DACH2: variants seen among roughly 807,000 people sequenced by gnomAD.
The protein encoded by DACH2 is dachshund homolog 2.
In DACH2, 17 loss-of-function variants were observed where a neutral mutation model predicts 35.8. That is an observed-to-expected ratio of 0.48 (90% CI 0.33 to 0.71). The LOEUF is 0.71. Ranked by LOEUF, DACH2 falls within the 30% of genes least tolerant of loss-of-function variation. The pLI, the probability that DACH2 is intolerant of heterozygous loss-of-function variation, is 0.02. For synonymous variants in DACH2, 195 were observed against 177.3 expected (o/e 1.10, Z -0.79); for missense variants, 469 against 472.7 (o/e 0.99, Z 0.07).
chrX:86,343,774 A>G (rs2035452282), intron 1 of DACH2, among the ~76,000 whole-genome samples: 1 of 111,681 alleles, frequency 9.0e-6, no homozygotes, highest in Non-Finnish European at 1.9e-5. Context: ...TGTATTTATT[A>G]TATTGATGTC....
intron 3 of DACH2, among the ~76,000 whole-genome samples, chrX:86,570,600 G>A (rs768321578): frequency 9.1e-6 from 1 of 110,466 alleles, no homozygotes; most frequent in Admixed American, 9.7e-5. Context: ...GGAGGGTGAA[G>A]CGGGAGAGCA....
At chrX:86,632,494 G>GCACACACA (rs3041616) in intron 3 of DACH2, among the ~76,000 whole-genome samples, 2,077 of 95,947 alleles carry the variant, frequency 0.022, 56 homozygotes, top group African/African-American at 0.067. Flanking sequence ...TCATACACAT[G>GCACACACA]CACACACACA....
At position 86,802,328 on chromosome X, in the gene DACH2, G is replaced by C. The variant is rs1770154875; in HGVS notation, c.1241-10528G>C. On this transcript the variant is annotated intron_variant, in intron 7 of 11. Coordinates refer to ENST00000373125, the MANE Select transcript of DACH2 (RefSeq NM_053281.3). ...TGCATTCTTATGCATGGTAAAGTTT[G>C]AGAACTATGCTCTAAAGTGCTGGAT... is the stretch of plus-strand genomic sequence containing the variant. Among the ~76,000 whole-genome samples, 5 of 110,586 alleles carry C rather than the reference G, an allele frequency of 4.5e-5. No individual in the cohort carries two copies. In the Admixed American group the frequency reaches 4.9e-4, roughly 11 times the overall value.
intron 1 of DACH2, among the ~76,000 whole-genome samples, chrX:86,190,734 CGGGAGTT>C (rs1467222492): frequency 4.5e-5 from 5 of 111,400 alleles, no homozygotes; most frequent in African/African-American, 6.5e-5. Flanking sequence ...CACCTGAGGT[CGGGAGTT>C]CAAGACCAGC....
chrX:86,616,669 C>T (rs2040008342), intron 3 of DACH2, among the ~76,000 whole-genome samples: 1 of 112,050 alleles, frequency 8.9e-6, no homozygotes, highest in African/African-American at 3.2e-5. Flanking sequence ...CATATTAAAA[C>T]TTTGTCAGAT....
chrX:86,523,485 T>G (rs1435881344), intron 3 of DACH2, among the ~76,000 whole-genome samples: 2 of 111,431 alleles, frequency 1.8e-5, no homozygotes, highest in Non-Finnish European at 3.8e-5. Context: ...TCAAATAAAT[T>G]TTTCCTTTTT....
At chrX:86,418,030 G>A (rs1056217217) in intron 2 of DACH2, among the ~76,000 whole-genome samples, 1 of 111,700 alleles carries the variant, frequency 9.0e-6, no homozygotes, top group African/African-American at 3.3e-5. Flanking sequence ...TAGCAGGGCA[G>A]TCAAATCTTA....
chrX:86,536,418 G>A (rs1463038195), intron 3 of DACH2, among the ~76,000 whole-genome samples: 1 of 111,689 alleles, frequency 9.0e-6, no homozygotes, highest in Non-Finnish European at 1.9e-5. Context: ...TGTCTCTTAT[G>A]GGGGAAATTT....
At position 86,376,873 on chromosome X, in the gene DACH2, A is replaced by G. The variant is rs1399998356; in HGVS notation, c.527+11A>G. The G allele has an allele frequency of 1.3e-6, 1 of 746,147 alleles. No individual in the cohort carries two copies. Among genetic ancestry groups the G allele is most frequent in the Non-Finnish European group, 2.0e-6 (1 of 487,928 alleles). 61.5% of individuals were successfully genotyped at this position (746,147 alleles called of 1,213,427 possible). A position where few individuals can be genotyped will look rare whatever the true frequency, so the allele number is the denominator to read the frequency against. ...ACAAGCTGTTAACAGGTATTTATGTATTTATTTTTTAAAAATCAAATTCCT... is the reference window on the plus strand; with the variant it reads ...ACAAGCTGTTAACAGGTATTTATGTGTTTATTTTTTAAAAATCAAATTCCT... On this transcript the variant is annotated intron_variant, in intron 2 of 11. Transcript: ENST00000373125.
chrX:86,805,166 C>T (rs1484053888), intron 7 of DACH2, among the ~76,000 whole-genome samples: 1 of 113,033 alleles, frequency 8.8e-6, no homozygotes, highest in Non-Finnish European at 1.9e-5. Context: ...GGCTTTTCCA[C>T]ACATTCTCTA....
At chrX:86,254,807 T>TATATATATATAGAGAGAG (rs1380613474) in intron 1 of DACH2, among the ~76,000 whole-genome samples, 9 of 49,644 alleles carry the variant, frequency 1.8e-4, no homozygotes, top group East Asian at 1.7e-3. Context: ...TATATATATA[T>TATATATATATAGAGAGAG]AGAGAGAGAG....
intron 1 of DACH2, among the ~76,000 whole-genome samples, chrX:86,299,428 G>A (rs1216443539): frequency 8.9e-6 from 1 of 111,813 alleles, no homozygotes; most frequent in East Asian, 2.8e-4. Context: ...GCTTAGCAGT[G>A]ATTCTGACAG....
intron 1 of DACH2, among the ~76,000 whole-genome samples, chrX:86,211,146 G>A (rs1245581880): frequency 9.0e-6 from 1 of 111,430 alleles, no homozygotes; most frequent in African/African-American, 3.3e-5. Flanking sequence ...CAGAAAAGGA[G>A]CTTTTAAAAG....
intron 1 of DACH2, among the ~76,000 whole-genome samples, chrX:86,337,970 G>A (rs1385980905): frequency 8.9e-6 from 1 of 111,860 alleles, no homozygotes; most frequent in Non-Finnish European, 1.9e-5. Flanking sequence ...AAGAGACAAA[G>A]AAGGGCATTA....
intron 3 of DACH2, among the ~76,000 whole-genome samples, chrX:86,573,648 T>C (rs1420709345): frequency 8.9e-6 from 1 of 111,740 alleles, no homozygotes; most frequent in East Asian, 2.8e-4. Context: ...CTGAAGTTTT[T>C]TCCTCCATAG....
chrX:86,590,168 C>G (rs1022203748), intron 3 of DACH2, among the ~76,000 whole-genome samples: 3 of 111,612 alleles, frequency 2.7e-5, no homozygotes, highest in Admixed American at 9.6e-5. Context: ...CTCAGTGACA[C>G]TGTTTAGGAA....
chrX:86,300,369 G>A (rs1485971759), intron 1 of DACH2, among the ~76,000 whole-genome samples: 1 of 111,616 alleles, frequency 9.0e-6, no homozygotes, highest in African/African-American at 3.3e-5. Flanking sequence ...TTAATCATGA[G>A]AAAGACTTGT....
At chrX:86,203,488 G>A (rs1211897320) in intron 1 of DACH2, among the ~76,000 whole-genome samples, 1 of 110,062 alleles carries the variant, frequency 9.1e-6, no homozygotes, top group Non-Finnish European at 1.9e-5. Flanking sequence ...TTTTTACATC[G>A]ACATATAAAA....
intron 2 of DACH2, among the ~76,000 whole-genome samples, chrX:86,475,369 A>G (rs1300555738): frequency 1.8e-5 from 2 of 111,115 alleles, no homozygotes; most frequent in Non-Finnish European, 3.8e-5. Context: ...AATTTCTTTC[A>G]TCTGTGTTTT....
Sources: allele counts gnomAD v4.1 joint callset (sites outside exome capture counted in the v4.1 genomes callset), GRCh38; gene constraint gnomAD v4.1.1; transcripts MANE v1.5; gene names NCBI Gene and HGNC (gene_info 2026-07-23, HGNC 2026-07-21).